ARID1B: variants seen among roughly 807,000 people sequenced by gnomAD.
The protein encoded by ARID1B is AT-rich interaction domain 1B, also known as AT-rich interactive domain-containing protein 1B.
A neutral mutation model predicts 212.3 loss-of-function variants in ARID1B; 30 were observed. That is an observed-to-expected ratio of 0.14 (90% CI 0.11 to 0.19). ARID1B has a LOEUF of 0.19. Among genes scored for constraint, ARID1B ranks in the 10% least tolerant of loss-of-function variants. ARID1B has a pLI of 1.00. For missense variants in ARID1B, 2,891 were observed against 3,204.0 expected, an observed-to-expected ratio of 0.90 and a Z score of 2.36; for synonymous variants, 1,402 against 1,301.7, an observed-to-expected ratio of 1.08 and a Z score of -1.66.
chr6:156,856,672 C>CCT (rs367924636), intron 2 of ARID1B, among the ~76,000 whole-genome samples: 1,852 of 108,288 alleles, frequency 0.017, 29 homozygotes, highest in African/African-American at 0.048. Flanking sequence ...GCATGCATAT[C>CCT]CTCTCTCTCT....
chr6:157,170,764 A>G lies in ARID1B; in HGVS notation c.3236-3244A>G, dbSNP rs572861625. ...GTACTCGCTGGCCCCACTCTGTGCC[A>G]TGGAGGGTCCTCCCGGTCAGGGCTG... On this transcript the variant is annotated intron_variant, in intron 9 of 19. Transcript: ENST00000636930. 6.6e-5 allele frequency among the ~76,000 whole-genome samples: 10 copies of G among 152,262 alleles called. No homozygotes were observed. In the South Asian group the frequency reaches 8.3e-4, roughly 13 times the overall value.
Position 157,133,215 on chromosome 6 carries a change from C to A in ARID1B, c.2761+8C>A. ...GCCAGTATGGACCACAAGGTAAAAC[C>A]AAAGCTTCTCCAAAATGCATGGCAG... On this transcript the variant is annotated splice_region_variant and intron_variant, in intron 7 of 19. Coordinates refer to ENST00000636930, the MANE Select transcript of ARID1B (RefSeq NM_001374828.1). 6.3e-7 allele frequency: 1 copy of A among 1,575,968 alleles called. No homozygotes were observed. Among genetic ancestry groups the A allele is most frequent in the East Asian group, 2.2e-5 (1 of 44,540 alleles).
intron 4 of ARID1B, among the ~76,000 whole-genome samples, chr6:156,991,828 A>G (rs372248058): frequency 1.3e-3 from 203 of 152,338 alleles, no homozygotes; most frequent in African/African-American, 4.5e-3. Context: ...TGCATTATCT[A>G]TAAACTGCCC....
chr6:156,966,605 C>T (rs1384342122), intron 4 of ARID1B, among the ~76,000 whole-genome samples: 5 of 151,934 alleles, frequency 3.3e-5, no homozygotes, highest in Admixed American at 6.6e-5. Context: ...ATGTTGGCCA[C>T]GCTGGTCTGG....
chr6:157,166,987 C>A (rs965002623), intron 8 of ARID1B, 53 bp from the exon 9 acceptor site: 1 of 1,584,836 alleles, frequency 6.3e-7, no homozygotes. Context: ...CAGGGCAAAC[C>A]ACTGCTAATG....
chr6:157,114,052 T>C (rs1787137360), intron 6 of ARID1B, among the ~76,000 whole-genome samples: 1 of 152,150 alleles, frequency 6.6e-6, no homozygotes, highest in Non-Finnish European at 1.5e-5. Context: ...GCATACACAA[T>C]GGAAAGCAGA....
chr6:157,181,007 G>A lies in ARID1B; in HGVS notation c.3543G>A (p.Thr1181=), dbSNP rs752704102. The change falls in exon 12 of 20, where the codon ACG becomes ACA. Residue 1181 remains threonine, a synonymous_variant. Coordinates refer to ENST00000636930, the MANE Select transcript of ARID1B (RefSeq NM_001374828.1). The part of the protein sequence containing the change: ...SSSTTTGEKI[T]KVYELGNEPE... Reference sequence around the variant, plus strand: ...CCACCACTACTGGGGAGAAGATCACGAAGGTGTACGAGCTGGGGAATGAGC... The same window carrying A: ...CCACCACTACTGGGGAGAAGATCACAAAGGTGTACGAGCTGGGGAATGAGC... The A allele has an allele frequency of 1.2e-5, 20 of 1,613,906 alleles. No homozygotes were observed. The highest frequency in any genetic ancestry group is 7.7e-5 in the South Asian group (7 of 91,068).
chr6:156,911,497 C>A (rs962420113), intron 3 of ARID1B, among the ~76,000 whole-genome samples: 1 of 152,036 alleles, frequency 6.6e-6, no homozygotes, highest in Non-Finnish European at 1.5e-5. Flanking sequence ...TGTTTAAATG[C>A]ATTTCTGTGT....
chr6:157,196,552 C>T (rs1001300486), intron 16 of ARID1B, among the ~76,000 whole-genome samples: 3 of 152,212 alleles, frequency 2.0e-5, no homozygotes, highest in South Asian at 2.1e-4. Context: ...GTCTTCTTCC[C>T]GAAGTCAAGA....
At chr6:157,131,489 G>C (rs372143846) in intron 6 of ARID1B, among the ~76,000 whole-genome samples, 1 of 152,096 alleles carries the variant, frequency 6.6e-6, no homozygotes, top group Non-Finnish European at 1.5e-5. Flanking sequence ...AGGAGGGAAC[G>C]GGGGAGAGAG....
chr6:156,898,933 T>C (rs1352989890), intron 2 of ARID1B, among the ~76,000 whole-genome samples: 1 of 152,186 alleles, frequency 6.6e-6, no homozygotes, highest in Non-Finnish European at 1.5e-5. Flanking sequence ...ATCGCGCCAT[T>C]GCACTCCAGC....
chr6:156,787,496 T>A (rs77760853), intron 1 of ARID1B, among the ~76,000 whole-genome samples: 7,452 of 152,306 alleles, frequency 0.049, 261 homozygotes, highest in Non-Finnish European at 0.072. Flanking sequence ...TAAAATTCAT[T>A]TAGAAGCTGG....
intron 5 of ARID1B, among the ~76,000 whole-genome samples, chr6:157,101,053 T>C (rs1562618417): frequency 1.3e-5 from 2 of 152,330 alleles, no homozygotes; most frequent in Middle Eastern, 3.4e-3. Flanking sequence ...TCCATGAGGC[T>C]GTACTAGAAT....
intron 4 of ARID1B, among the ~76,000 whole-genome samples, chr6:157,013,967 A>C (rs1214706477): frequency 6.6e-6 from 1 of 152,158 alleles, no homozygotes; most frequent in East Asian, 1.9e-4. Flanking sequence ...GGTATCATGA[A>C]ATTTTTGATG....
intron 4 of ARID1B, chr6:157,023,798 G>A (rs1208583190): frequency 2.6e-5 from 4 of 152,132 alleles, no homozygotes; most frequent in Non-Finnish European, 4.4e-5. Context: ...GTTAAACTTT[G>A]CCTACCTAAT....
chr6:157,100,235 C>T (rs1274737835), intron 5 of ARID1B, among the ~76,000 whole-genome samples: 3 of 152,192 alleles, frequency 2.0e-5, no homozygotes, highest in African/African-American at 7.2e-5. Flanking sequence ...TGTTCACCAA[C>T]ATCTTCCCCA....
intron 3 of ARID1B, among the ~76,000 whole-genome samples, chr6:156,926,840 C>G (rs1223506244): frequency 2.0e-5 from 3 of 152,134 alleles, no homozygotes; most frequent in Non-Finnish European, 4.4e-5. Context: ...GCCACCATGC[C>G]TGGCTAATTT....
intron 2 of ARID1B, among the ~76,000 whole-genome samples, chr6:156,879,391 C>G (rs1276138695): frequency 6.6e-6 from 1 of 152,222 alleles, no homozygotes; most frequent in Admixed American, 6.5e-5. Context: ...GTTCATTAGA[C>G]CAGTGGAATT....
At chr6:156,974,343 A>G (rs1777101668) in intron 4 of ARID1B, among the ~76,000 whole-genome samples, 1 of 152,224 alleles carries the variant, frequency 6.6e-6, no homozygotes, top group African/African-American at 2.4e-5. Flanking sequence ...CAAGGGAAGC[A>G]TTATTGACTC....
Sources: allele counts gnomAD v4.1 joint callset (sites outside exome capture counted in the v4.1 genomes callset), GRCh38; gene constraint gnomAD v4.1.1; transcripts MANE v1.5; gene names NCBI Gene and HGNC (gene_info 2026-07-23, HGNC 2026-07-21).